The following HS6ST3 variants were observed in gnomAD, a reference collection of about 807,000 sequenced individuals.
The protein encoded by HS6ST3 is heparan-sulfate 6-O-sulfotransferase 3.
A neutral mutation model predicts 36.7 loss-of-function variants in HS6ST3; 12 were observed. The ratio of observed to expected loss-of-function variants is 0.33; its 90% CI spans 0.21 to 0.53. The LOEUF (loss-of-function observed/expected upper bound fraction) is 0.53. Among genes scored for constraint, HS6ST3 ranks in the 20% least tolerant of loss-of-function variants. The pLI, the probability that HS6ST3 is intolerant of heterozygous loss-of-function variation, is 0.95. For synonymous variants in HS6ST3, 240 were observed against 257.5 expected (o/e 0.93, Z 0.65); for missense variants, 584 against 640.9 (o/e 0.91, Z 0.96).
chr13:96,571,157 T>G (rs2056299692), intron 1 of HS6ST3, among the ~76,000 whole-genome samples: 1 of 152,226 alleles, frequency 6.6e-6, no homozygotes, highest in African/African-American at 2.4e-5. Flanking sequence ...ACTTATTCTA[T>G]TCACAGCATG....
chr13:96,211,311 G>T (rs2054397907), intron 1 of HS6ST3, among the ~76,000 whole-genome samples: 1 of 152,154 alleles, frequency 6.6e-6, no homozygotes, highest in Non-Finnish European at 1.5e-5. Context: ...CTAGAAACCT[G>T]ACCACTGTTC....
intron 1 of HS6ST3, among the ~76,000 whole-genome samples, chr13:96,272,750 A>C (rs2054727488): frequency 6.6e-6 from 1 of 152,016 alleles, no homozygotes; most frequent in African/African-American, 2.4e-5. Context: ...CTATATTAAA[A>C]TTTACATTGA....
At chr13:96,724,926 C>T (rs569613608) in intron 1 of HS6ST3, among the ~76,000 whole-genome samples, 1 of 152,168 alleles carries the variant, frequency 6.6e-6, no homozygotes, top group African/African-American at 2.4e-5. Flanking sequence ...ATATGTTTAA[C>T]TTTTTCAGAA....
intron 1 of HS6ST3, among the ~76,000 whole-genome samples, chr13:96,267,529 T>C (rs559303354): frequency 6.6e-6 from 1 of 152,182 alleles, no homozygotes; most frequent in East Asian, 1.9e-4. Flanking sequence ...CCTGATTATT[T>C]GAATGTCCTT....
At chr13:96,442,882 A>G (rs1170504820) in intron 1 of HS6ST3, among the ~76,000 whole-genome samples, 1 of 152,102 alleles carries the variant, frequency 6.6e-6, no homozygotes, top group Non-Finnish European at 1.5e-5. Context: ...ACAGCTTTAC[A>G]AGAAAAATCT....
intron 1 of HS6ST3, among the ~76,000 whole-genome samples, chr13:96,381,971 A>C (rs2055343746): frequency 6.6e-6 from 1 of 152,124 alleles, no homozygotes; most frequent in Non-Finnish European, 1.5e-5. Context: ...CATTTTGAAC[A>C]AACAAGAGCT....
At chr13:96,266,261 C>T (rs1429162236) in intron 1 of HS6ST3, among the ~76,000 whole-genome samples, 1 of 152,100 alleles carries the variant, frequency 6.6e-6, no homozygotes, top group African/African-American at 2.4e-5. Context: ...GTTTTGGGGA[C>T]CCAAACTTCT....
intron 1 of HS6ST3, among the ~76,000 whole-genome samples, chr13:96,578,726 A>G (rs2056330733): frequency 6.6e-6 from 1 of 151,848 alleles, no homozygotes; most frequent in South Asian, 2.1e-4. Flanking sequence ...TGCCTGGCTA[A>G]TTTTTTTGTT....
intron 1 of HS6ST3, among the ~76,000 whole-genome samples, chr13:96,154,050 T>C (rs1204462535): frequency 6.6e-6 from 1 of 152,184 alleles, no homozygotes; most frequent in Non-Finnish European, 1.5e-5. Context: ...AGGTTTGTTA[T>C]GAGAATAAAA....
At chr13:96,255,170 T>G (rs1275586351) in intron 1 of HS6ST3, among the ~76,000 whole-genome samples, 1 of 152,222 alleles carries the variant, frequency 6.6e-6, no homozygotes, top group Non-Finnish European at 1.5e-5. Context: ...GATAAGCATC[T>G]CCATCCACAG....
intron 1 of HS6ST3, among the ~76,000 whole-genome samples, chr13:96,762,088 A>G (rs868217528): frequency 6.6e-6 from 1 of 152,150 alleles, no homozygotes; most frequent in Non-Finnish European, 1.5e-5. Flanking sequence ...GTATATGTGT[A>G]AACTAATGAG....
At chr13:96,523,398 T>G (rs2056101516) in intron 1 of HS6ST3, among the ~76,000 whole-genome samples, 1 of 152,156 alleles carries the variant, frequency 6.6e-6, no homozygotes, top group South Asian at 2.1e-4. Flanking sequence ...TTCCCGAATT[T>G]GAATGTTGAC....
intron 1 of HS6ST3, among the ~76,000 whole-genome samples, chr13:96,627,397 AAT>A (rs1330018389): frequency 6.6e-6 from 1 of 152,020 alleles, no homozygotes; most frequent in Non-Finnish European, 1.5e-5. Flanking sequence ...GCGTCTTTTT[AAT>A]ACCATGATAG....
intron 1 of HS6ST3, among the ~76,000 whole-genome samples, chr13:96,469,301 A>G (rs976287018): frequency 1.5e-4 from 22 of 149,152 alleles, no homozygotes; most frequent in South Asian, 2.1e-4. Context: ...CCCTCCCCCA[A>G]CTTTTTTTTT....
chr13:96,830,585 G>A (rs1216020457), intron 1 of HS6ST3, among the ~76,000 whole-genome samples: 1 of 152,170 alleles, frequency 6.6e-6, no homozygotes, highest in Admixed American at 6.5e-5. Flanking sequence ...AAATGACCTG[G>A]TTTTGTTCCA....
chr13:96,520,215 T>A (rs1016707732), intron 1 of HS6ST3, among the ~76,000 whole-genome samples: 2 of 152,182 alleles, frequency 1.3e-5, no homozygotes, highest in African/African-American at 4.8e-5. Flanking sequence ...TTGGTCTGTA[T>A]ATCTGTTTTG....
At chr13:96,246,658 T>A (rs2139375276) in intron 1 of HS6ST3, among the ~76,000 whole-genome samples, 1 of 152,268 alleles carries the variant, frequency 6.6e-6, no homozygotes, top group South Asian at 2.1e-4. Context: ...GTTTCCTTTT[T>A]TGTGTGTGTG....
intron 1 of HS6ST3, among the ~76,000 whole-genome samples, chr13:96,243,007 T>C (rs1391556284): frequency 6.6e-6 from 1 of 152,224 alleles, no homozygotes; most frequent in Non-Finnish European, 1.5e-5. Flanking sequence ...TAATTTTTCT[T>C]ATTTACAAAA....
chr13:96,269,718 T>C (rs1232837684), intron 1 of HS6ST3, among the ~76,000 whole-genome samples: 2 of 152,006 alleles, frequency 1.3e-5, no homozygotes, highest in African/African-American at 4.8e-5. Flanking sequence ...AATTATTTGA[T>C]ATGTGAAGCA....
Sources: gnomAD v4.1 joint callset for allele counts (sites outside exome capture counted in the v4.1 genomes callset) on GRCh38, gnomAD v4.1.1 for gene constraint, MANE v1.5 for transcripts, NCBI Gene and HGNC (gene_info 2026-07-23, HGNC 2026-07-21) for gene names.